The following IL1RAPL1 variants were observed in gnomAD, a reference collection of about 807,000 sequenced individuals.
The protein encoded by IL1RAPL1 is interleukin 1 receptor accessory protein like 1, also known as interleukin-1 receptor accessory protein-like 1.
A neutral mutation model predicts 48.4 loss-of-function variants in IL1RAPL1; 3 were observed. The observed-to-expected ratio is 0.06, with a 90% CI of 0.03 to 0.16. The LOEUF (loss-of-function observed/expected upper bound fraction) is 0.16, where lower values mean the gene tolerates loss of function less well. Ranked by LOEUF, IL1RAPL1 falls within the 10% of genes least tolerant of loss-of-function variation. IL1RAPL1 has a pLI of 1.00. For missense variants in IL1RAPL1, 349 were observed against 530.6 expected, an observed-to-expected ratio of 0.66 and a Z score of 3.36; for synonymous variants, 185 against 187.7, an observed-to-expected ratio of 0.99 and a Z score of 0.12.
chrX:29,705,456 C>T (rs1927168434), intron 6 of IL1RAPL1, among the ~76,000 whole-genome samples: 1 of 112,394 alleles, frequency 8.9e-6, no homozygotes, highest in Non-Finnish European at 1.9e-5. Flanking sequence ...CGCAAGTGTT[C>T]AGCCTGCCTT....
At position 28,666,245 on chromosome X, in the gene IL1RAPL1, C is replaced by T. The variant is rs140973990; in HGVS notation, c.-25+78198C>T. Among the ~76,000 whole-genome samples the T allele has an allele frequency of 2.0e-4, 22 of 111,922 alleles. No homozygotes were observed. The East Asian group carries it at 5.6e-3, about 29-fold the overall frequency. ...ATCTGTAAAATGACATCCAAATAAC[C>T]CAACCCTTACCTGTGTGGATTTTGA... is the stretch of plus-strand genomic sequence containing the variant. On this transcript the variant is annotated intron_variant, in intron 1 of 10. Transcript: ENST00000378993.
At chrX:29,509,610 A>C (rs1935371885) in intron 5 of IL1RAPL1, among the ~76,000 whole-genome samples, 1 of 112,161 alleles carries the variant, frequency 8.9e-6, no homozygotes, top group Non-Finnish European at 1.9e-5. Flanking sequence ...TTGGCATTTG[A>C]CTACTAAACT....
chrX:28,955,350 T>C (rs1018882390), intron 2 of IL1RAPL1, among the ~76,000 whole-genome samples: 2 of 111,199 alleles, frequency 1.8e-5, no homozygotes, highest in Admixed American at 9.6e-5. Flanking sequence ...ATTTAGAGAG[T>C]TCACTTTTGG....
Position 28,842,031 on chromosome X carries a change from G to T in IL1RAPL1, c.82+52606G>T, listed in dbSNP as rs1190478943. Among the ~76,000 whole-genome samples the T allele has an allele frequency of 6.3e-5, 7 of 110,579 alleles. No homozygotes were observed. The South Asian group carries it at 2.6e-3, about 42-fold the overall frequency. On this transcript the variant is annotated intron_variant, in intron 2 of 10. Transcript: ENST00000378993. ...TATGTAGGGAAAAACATGATGAATT[G>T]ATTTCTTAAATCTTTCTCAGCTAGT...
At chrX:29,655,651 CAAAA>C (rs746998144) in intron 5 of IL1RAPL1, among the ~76,000 whole-genome samples, 7 of 26,752 alleles carry the variant, frequency 2.6e-4, no homozygotes, top group Non-Finnish European at 3.8e-4. Flanking sequence ...TGACAGTCTC[CAAAA>C]AAAAAAAAAA....
At chrX:28,852,885 T>G (rs1468872746) in intron 2 of IL1RAPL1, among the ~76,000 whole-genome samples, 2 of 110,555 alleles carry the variant, frequency 1.8e-5, no homozygotes, top group South Asian at 3.9e-4. Context: ...TCCTTTTTTT[T>G]TTTACTTCTA....
At chrX:28,659,039 A>G (rs949676162) in intron 1 of IL1RAPL1, 14 of 579,233 alleles carry the variant, frequency 2.4e-5, no homozygotes, top group Non-Finnish European at 3.6e-5. Context: ...TGAGAATGAA[A>G]TGTTTCCCAT....
Position 28,771,967 on chromosome X carries a change from G to C in IL1RAPL1, c.-24-17353G>C, listed in dbSNP as rs867164312. Among the ~76,000 whole-genome samples, 3 of 97,245 alleles carry C rather than the reference G, an allele frequency of 3.1e-5. No homozygotes were observed. In the South Asian group the frequency reaches 1.4e-3, roughly 46 times the overall value. The allele number at this position is 97,245 out of a possible 115,157, so 84.4% of individuals were successfully genotyped here. On this transcript the variant is annotated intron_variant, in intron 1 of 10. Transcript: ENST00000378993. ...AAAAAAAAAAAAAAAAAAGAAAAAA[G>C]AAAATTGCTAGAGACAATCTAGTCT...
chrX:29,242,183 G>A (rs1333661472), intron 2 of IL1RAPL1, among the ~76,000 whole-genome samples: 1 of 112,489 alleles, frequency 8.9e-6, no homozygotes, highest in East Asian at 2.8e-4. Flanking sequence ...ATTAACATCA[G>A]TCACTAATTT....
Position 29,917,544 on chromosome X carries a change from G to C in IL1RAPL1, c.859G>C (p.Glu287Gln), listed in dbSNP as rs955134038. Residue 287 changes from glutamate (E) to glutamine (Q), a missense_variant, in exon 7 of 11, where the codon GAA becomes CAA. By Grantham distance (29) the Glu-to-Gln change is conservative (BLOSUM62 2). Coordinates refer to ENST00000378993, the MANE Select transcript of IL1RAPL1 (RefSeq NM_014271.4). Reference protein sequence around the residue: ...VSPLIYWMKGEKFIEDLDENR... With the variant: ...VSPLIYWMKGQKFIEDLDENR... ...TCCTTTAATTTACTGGATGAAAGGA[G>C]AAAAATTTATTGAAGATCTGGATGA... 1 of 1,205,433 alleles carries C rather than the reference G, an allele frequency of 8.3e-7. No individual in the cohort carries two copies. Among genetic ancestry groups the C allele is most frequent in the Admixed American group, 2.2e-5 (1 of 45,696 alleles).
At chrX:29,188,962 G>A (rs1227322438) in intron 2 of IL1RAPL1, among the ~76,000 whole-genome samples, 2 of 111,628 alleles carry the variant, frequency 1.8e-5, no homozygotes, top group Non-Finnish European at 3.8e-5. Context: ...CTTGCAAAAT[G>A]TTTTTACTGT....
At chrX:29,728,379 C>G (rs896577737) in intron 6 of IL1RAPL1, among the ~76,000 whole-genome samples, 1 of 112,044 alleles carries the variant, frequency 8.9e-6, no homozygotes, top group African/African-American at 3.2e-5. Context: ...GTGAGATTAT[C>G]TTTATCTCTC....
intron 5 of IL1RAPL1, among the ~76,000 whole-genome samples, chrX:29,427,488 T>G (rs1934364750): frequency 9.0e-6 from 1 of 111,478 alleles, no homozygotes; most frequent in Admixed American, 9.5e-5. Flanking sequence ...TTTTTAATGA[T>G]AATTTGATGG....
At chrX:29,095,075 A>G (rs1387426814) in intron 2 of IL1RAPL1, among the ~76,000 whole-genome samples, 1 of 110,548 alleles carries the variant, frequency 9.0e-6, no homozygotes. Flanking sequence ...TATTTTTAGT[A>G]TAGACAAAGT....
intron 1 of IL1RAPL1, among the ~76,000 whole-genome samples, chrX:28,602,946 G>A (rs1208510842): frequency 8.9e-6 from 1 of 111,803 alleles, no homozygotes; most frequent in African/African-American, 3.3e-5. Flanking sequence ...AAGATGTTAA[G>A]CAGACTTAGT....
In IL1RAPL1 at chrX:29,749,781, A is replaced by G. The variant is rs544048589; in HGVS notation, c.778+81277A>G. The stretch of plus-strand genomic sequence containing the variant: ...TGCTAATATTAATTTGGAAAATTCT[A>G]TGTGGTGGCTGACACCCTACAGTGT... On this transcript the variant is annotated intron_variant, in intron 6 of 10. Coordinates refer to ENST00000378993, the MANE Select transcript of IL1RAPL1 (RefSeq NM_014271.4). 1.2e-4 allele frequency among the ~76,000 whole-genome samples: 13 copies of G among 112,292 alleles called. No homozygotes were observed. The South Asian group carries it at 4.8e-3, about 42-fold the overall frequency.
At chrX:29,138,669 C>G (rs190743176) in intron 2 of IL1RAPL1, among the ~76,000 whole-genome samples, 2 of 104,869 alleles carry the variant, frequency 1.9e-5, no homozygotes, top group Admixed American at 2.1e-4. Context: ...CCCAATTACT[C>G]GGGAGGCTGT....
At chrX:29,290,761 G>A (rs1932357826) in intron 3 of IL1RAPL1, among the ~76,000 whole-genome samples, 1 of 111,518 alleles carries the variant, frequency 9.0e-6, no homozygotes, top group Non-Finnish European at 1.9e-5. Flanking sequence ...ATTTCTGAGG[G>A]CCTCTCCATG....
intron 5 of IL1RAPL1, among the ~76,000 whole-genome samples, chrX:29,517,816 G>C (rs1311148949): frequency 8.9e-6 from 1 of 111,825 alleles, no homozygotes; most frequent in African/African-American, 3.2e-5. Context: ...CAGGTGGTGA[G>C]GAGGAACAGA....
Sources: gnomAD v4.1 joint callset for allele counts (sites outside exome capture counted in the v4.1 genomes callset) on GRCh38, gnomAD v4.1.1 for gene constraint, MANE v1.5 for transcripts, NCBI Gene and HGNC (gene_info 2026-07-23, HGNC 2026-07-21) for gene names.